OXTR: variants seen among roughly 807,000 people sequenced by gnomAD.
OXTR encodes oxytocin receptor.
In OXTR, 19 loss-of-function variants were observed where a neutral mutation model predicts 23.9. The ratio of observed to expected loss-of-function variants is 0.80; its 90% CI spans 0.56 to 1.17. OXTR has a LOEUF of 1.17. Ranked by LOEUF, OXTR falls within the 50% of genes most tolerant of loss-of-function variation. The pLI, the probability that OXTR is intolerant of heterozygous loss-of-function variation, is 0.00. For missense variants in OXTR, 500 were observed against 550.7 expected (o/e 0.91, Z 0.92); for synonymous variants, 278 against 250.5 (o/e 1.11, Z -1.04).
At chr3:8,746,677 GC>G (rs66667169), downstream of OXTR, 13,642 of 152,014 alleles carry the variant, frequency 0.09, 806 homozygotes, top group Non-Finnish European at 0.14. Context: ...GGGTACCTTC[GC>G]CCTCAGGAGA....
intron 3 of OXTR, 73 bp from the exon 4 acceptor site, chr3:8,753,297 A>T (rs1708309739): frequency 2.0e-6 from 3 of 1,524,712 alleles, no homozygotes; most frequent in Non-Finnish European, 2.7e-6. Context: ...GACCTATCTG[A>T]CTTAAACATC....
downstream of OXTR, chr3:8,745,810 C>G (rs769859957): frequency 8.1e-6 from 13 of 1,613,764 alleles, no homozygotes; most frequent in African/African-American, 2.7e-5. This position sits in a 1 kb window ranked among gnomAD's most constrained non-coding sequence, Gnocchi z 4.8. Flanking sequence ...ACCCACTCTT[C>G]GCGGCCCTGG....
intron 3 of OXTR, among the ~76,000 whole-genome samples, chr3:8,755,718 C>T (rs1243543821): frequency 1.3e-5 from 2 of 152,184 alleles, no homozygotes; most frequent in Non-Finnish European, 2.9e-5. Context: ...AAGTTACTAA[C>T]ACTAAGGGCA....
At chr3:8,744,918 A>C in the OXTR span, 1 of 153,444 alleles carries the variant, frequency 6.5e-6, no homozygotes, top group South Asian at 2.0e-4. Context: ...CTTGGGCTCA[A>C]CAGGGAGCTT....
rs1708675590 is a variant in OXTR, at chr3:8,768,057, G to GCCACCT, written c.125_130dup (p.Glu42_Val43dup). On this transcript the variant is annotated inframe_insertion, in exon 3 of 4. Transcript: ENST00000316793. The surrounding 1 kb of genome is among the most constrained non-coding windows in gnomAD (Gnocchi z 5.4). ...CAGGAGCAGGATGAGACACAGCACC[G>GCCACCT]CCACCTCCACGCGCGCCAGGGCCTC... 1.3e-6 allele frequency: 2 copies of GCCACCT among 1,561,844 alleles called. No homozygotes were observed. Among genetic ancestry groups the GCCACCT allele is most frequent in the South Asian group, 2.4e-5 (2 of 84,686 alleles).
At position 8,767,345 on chromosome 3, in the gene OXTR, C is replaced by CACGATGATGAAAGTCATCTTG. The variant is rs774045937; in HGVS notation, c.822_842dup (p.Lys275_Val281dup). 1 of 1,611,554 alleles carries CACGATGATGAAAGTCATCTTG rather than the reference C, an allele frequency of 6.2e-7. No homozygotes were observed. Among genetic ancestry groups the CACGATGATGAAAGTCATCTTG allele is most frequent in the Non-Finnish European group, 8.5e-7 (1 of 1,179,138 alleles). On this transcript the variant is annotated inframe_insertion, in exon 3 of 4. Transcript: ENST00000316793. ...GCGTCCAGCACACGATGAAGGCCAG[C>CACGATGATGAAAGTCATCTTG]ACGATGATGAAAGTCATCTTGACCG...
chr3:8,767,242 C>G, intron 3 of OXTR, 24 bp downstream of exon 3: 5 of 1,517,528 alleles, frequency 3.3e-6, no homozygotes, highest in Non-Finnish European at 4.4e-6. Context: ...GCTCCCTCCT[C>G]CTGGGTCTCC....
chr3:8,756,640 G>A (rs999138957), intron 3 of OXTR, among the ~76,000 whole-genome samples: 10 of 152,240 alleles, frequency 6.6e-5, no homozygotes, highest in African/African-American at 2.4e-4. Flanking sequence ...CGCTGTGGAT[G>A]CTGTGGTGCC....
downstream of OXTR, among the ~76,000 whole-genome samples, chr3:8,750,043 A>G (rs1422952628): frequency 1.3e-5 from 2 of 152,182 alleles, no homozygotes; most frequent in African/African-American, 4.8e-5. Flanking sequence ...TCCTGTATTT[A>G]GTGACTAAAG....
At chr3:8,766,421 G>A (rs1287891330) in intron 3 of OXTR, among the ~76,000 whole-genome samples, 1 of 152,088 alleles carries the variant, frequency 6.6e-6, no homozygotes, top group Admixed American at 6.6e-5. Flanking sequence ...ATGGACAATT[G>A]CCCCACCTTC....
chr3:8,757,316 G>A, intron 3 of OXTR, among the ~76,000 whole-genome samples: 1 of 146,894 alleles, frequency 6.8e-6, no homozygotes. Context: ...TAATATTAAT[G>A]TATGTGAGGT....
chr3:8,755,727 C>T (rs1182555575), intron 3 of OXTR, among the ~76,000 whole-genome samples: 3 of 152,174 alleles, frequency 2.0e-5, no homozygotes, highest in African/African-American at 2.4e-5. Context: ...ACACTAAGGG[C>T]ACATTTGGCT....
intron 3 of OXTR, among the ~76,000 whole-genome samples, chr3:8,762,828 C>T (rs1029077713): frequency 8.5e-5 from 13 of 152,208 alleles, no homozygotes; most frequent in Non-Finnish European, 1.6e-4. Context: ...AGTGATGGGG[C>T]GCTCCTTTCT....
chr3:8,760,761 A>G (rs535382715), intron 3 of OXTR, among the ~76,000 whole-genome samples: 1 of 152,332 alleles, frequency 6.6e-6, no homozygotes, highest in East Asian at 1.9e-4. Context: ...CCATGGCAGG[A>G]ACAGTATTAG....
At chr3:8,745,971 G>T (rs1162958015), downstream of OXTR, 2 of 903,648 alleles carry the variant, frequency 2.2e-6, no homozygotes, top group East Asian at 5.1e-5. The surrounding 1 kb of genome is among the most constrained non-coding windows in gnomAD (Gnocchi z 4.8). Flanking sequence ...TCTCTTTAGG[G>T]ACTGCTCCAT....
intron 3 of OXTR, among the ~76,000 whole-genome samples, chr3:8,757,197 T>C (rs907415544): frequency 6.6e-6 from 1 of 152,046 alleles, no homozygotes; most frequent in Non-Finnish European, 1.5e-5. Context: ...CATAAGGCTA[T>C]TGAGAAAATG....
At chr3:8,743,561 A>G in the OXTR span, among the ~76,000 whole-genome samples, 1 of 152,180 alleles carries the variant, frequency 6.6e-6, no homozygotes, top group Non-Finnish European at 1.5e-5. Context: ...AGATTATACA[A>G]GGAAGGTCCT....
intron 3 of OXTR, among the ~76,000 whole-genome samples, chr3:8,753,938 G>A (rs1293443374): frequency 2.6e-5 from 4 of 152,206 alleles, no homozygotes; most frequent in African/African-American, 9.6e-5. Context: ...GATTCCCAAA[G>A]ATGCCTATGG....
In OXTR at chr3:8,750,510, A is replaced by G. The variant is rs1708233199; in HGVS notation, c.*2467T>C. The G allele has an allele frequency of 6.6e-6, 1 of 152,228 alleles. No individual in the cohort carries two copies. Among genetic ancestry groups the G allele is most frequent in the Non-Finnish European group, 1.5e-5 (1 of 68,042 alleles). The allele number at this position is 152,228 out of a possible 1,614,324, so 9.4% of individuals were successfully genotyped here. On this transcript the variant is annotated 3_prime_UTR_variant, in exon 4 of 4. Transcript: ENST00000316793. ...GAACATTTTCATCACCCGAAAAAGA[A>G]ACCCCAAACCCTTAGTAGTCATGCC...
Sources: gnomAD v4.1 joint callset for allele counts (sites outside exome capture counted in the v4.1 genomes callset) on GRCh38, gnomAD v4.1.1 for gene constraint, Gnocchi (gnomAD v3.1) non-coding constraint, MANE v1.5 for transcripts, NCBI Gene and HGNC (gene_info 2026-07-23, HGNC 2026-07-21) for gene names.